The following RMND5A variants were observed in gnomAD, a reference collection of about 807,000 sequenced individuals.
RMND5A encodes the protein required for meiotic nuclear division 5 homolog A, also known as E3 ubiquitin-protein transferase RMND5A.
A neutral mutation model predicts 49.7 loss-of-function variants in RMND5A; 17 were observed. The ratio of observed to expected loss-of-function variants is 0.34; its 90% CI spans 0.23 to 0.51. The LOEUF (loss-of-function observed/expected upper bound fraction) is 0.51. Among genes scored for constraint, RMND5A ranks in the 20% least tolerant of loss-of-function variants. The pLI, the probability that RMND5A is intolerant of heterozygous loss-of-function variation, is 0.96. For missense variants in RMND5A, 255 were observed against 471.3 expected, an observed-to-expected ratio of 0.54 and a Z score of 4.25; for synonymous variants, 156 against 167.7, an observed-to-expected ratio of 0.93 and a Z score of 0.54.
chr2:86,750,464 ATC>A (rs1206111104), intron 2 of RMND5A, among the ~76,000 whole-genome samples: 1 of 151,722 alleles, frequency 6.6e-6, no homozygotes, highest in Non-Finnish European at 1.5e-5. Flanking sequence ...CTGTTGAGAA[ATC>A]TGTAGTCATT....
At position 86,720,938 on chromosome 2, in the gene RMND5A, G is replaced by T. The variant is rs1033284967; in HGVS notation, c.142+129G>T. 6.8e-4 allele frequency: 541 copies of T among 800,028 alleles called. 2 individuals are homozygous for T. Among genetic ancestry groups the T allele is most frequent in the Middle Eastern group, 1.2e-3 (3 of 2,584 alleles). The allele number at this position is 800,028 out of a possible 1,614,324, so 49.6% of individuals were successfully genotyped here. Reference sequence around the variant, plus strand: ...CCCTTGCCTCCCCTGAGGCGCGGAGGCCCCCAGACCCCTGAGACTTTTTCC... The same window carrying T: ...CCCTTGCCTCCCCTGAGGCGCGGAGTCCCCCAGACCCCTGAGACTTTTTCC... On this transcript the variant is annotated intron_variant, in intron 1 of 8. Transcript: ENST00000283632.
chr2:86,756,707 T>C (rs1351381818), intron 4 of RMND5A, among the ~76,000 whole-genome samples: 1 of 152,178 alleles, frequency 6.6e-6, no homozygotes, highest in Non-Finnish European at 1.5e-5. Context: ...GGACTCCAAT[T>C]TGGGGAATTC....
chr2:86,756,229 A>C (rs1385377810), intron 4 of RMND5A, among the ~76,000 whole-genome samples: 1 of 151,832 alleles, frequency 6.6e-6, no homozygotes, highest in African/African-American at 2.4e-5. Context: ...CTATCTCTAC[A>C]AAAAAATAGA....
At chr2:86,764,584 C>T (rs564797362) in intron 4 of RMND5A, among the ~76,000 whole-genome samples, 1 of 152,222 alleles carries the variant, frequency 6.6e-6, no homozygotes, top group Non-Finnish European at 1.5e-5. Flanking sequence ...TGTTTTTAAT[C>T]ACAAAGTGAA....
chr2:86,752,256 C>T (rs1017816117), intron 3 of RMND5A, among the ~76,000 whole-genome samples: 2 of 151,996 alleles, frequency 1.3e-5, no homozygotes, highest in African/African-American at 4.8e-5. Flanking sequence ...TTTTCTTGTT[C>T]CTGTCCCAGA....
At chr2:86,762,700 C>G (rs1345969771) in intron 4 of RMND5A, among the ~76,000 whole-genome samples, 2 of 5,498 alleles carry the variant, frequency 3.6e-4, no homozygotes, top group African/African-American at 1.2e-3. Context: ...TCATATATAT[C>G]ATATATATCA....
Position 86,765,893 on chromosome 2 carries a change from G to C in RMND5A, c.723G>C (p.Leu241=), listed in dbSNP as rs747004941. 4 of 1,613,936 alleles carry C rather than the reference G, an allele frequency of 2.5e-6. No homozygotes were observed. The highest frequency in any genetic ancestry group is 3.4e-6 in the Non-Finnish European group (4 of 1,179,986). The change falls in exon 6 of 9, where the codon CTG becomes CTC. Residue 241 remains leucine (L), a synonymous_variant. Coordinates refer to ENST00000283632, the MANE Select transcript of RMND5A (RefSeq NM_022780.4). The part of the protein sequence containing the change: ...IQVLMGSLVY[L]RQGIENSPYV... ...TTTTGATGGGAAGCCTTGTGTACCT[G>C]AGACAAGGGATTGAGAACTCACCAT... is the stretch of plus-strand genomic sequence containing the variant.
At chr2:86,764,736 G>T (rs763472102) in intron 4 of RMND5A, among the ~76,000 whole-genome samples, 12 of 152,166 alleles carry the variant, frequency 7.9e-5, no homozygotes, top group Non-Finnish European at 8.8e-5. Flanking sequence ...GGCTGACACC[G>T]CTTCAAAGTG....
Position 86,775,300 on chromosome 2 carries a change from A to C in RMND5A, c.*1889A>C. On this transcript the variant is annotated 3_prime_UTR_variant, in exon 9 of 9. Coordinates refer to ENST00000283632, the MANE Select transcript of RMND5A (RefSeq NM_022780.4). ...ATATATATTTTTCCTTTGAATTAAA[A>C]CCTAGAGTGTTGTATTTTTCTTTCT... The C allele has an allele frequency of 6.8e-6, 1 of 147,636 alleles. No homozygotes were observed. Among genetic ancestry groups the C allele is most frequent in the Non-Finnish European group, 1.5e-5 (1 of 66,622 alleles). The allele number at this position is 147,636 out of a possible 1,614,324, so 9.1% of individuals were successfully genotyped here.
intron 4 of RMND5A, among the ~76,000 whole-genome samples, chr2:86,757,333 G>C (rs777957484): frequency 4.2e-4 from 64 of 152,196 alleles, no homozygotes; most frequent in Middle Eastern, 3.4e-3. Flanking sequence ...CCGTGCCCTT[G>C]TACCTCTGAG....
intron 2 of RMND5A, among the ~76,000 whole-genome samples, chr2:86,751,046 G>C (rs1573436713): frequency 3.3e-5 from 5 of 152,180 alleles, no homozygotes; most frequent in South Asian, 4.1e-4. Flanking sequence ...TGTGAGTTGA[G>C]ATTTTCTTGG....
At position 86,773,625 on chromosome 2, in the gene RMND5A, C is replaced by G. The variant is rs1276900696; in HGVS notation, c.*214C>G. ...TTTATTATATTCTTGGTCTTCATTTCTGATCAAGTAAATACACCAGCAGTT... is the reference window on the plus strand; with the variant it reads ...TTTATTATATTCTTGGTCTTCATTTGTGATCAAGTAAATACACCAGCAGTT... On this transcript the variant is annotated 3_prime_UTR_variant, in exon 9 of 9. Coordinates refer to ENST00000283632, the MANE Select transcript of RMND5A (RefSeq NM_022780.4). 3 of 377,970 alleles carry G rather than the reference C, an allele frequency of 7.9e-6. No individual in the cohort carries two copies. Among genetic ancestry groups the G allele is most frequent in the Non-Finnish European group, 9.5e-6 (2 of 210,202 alleles). The allele number at this position is 377,970 out of a possible 1,614,324, so 23.4% of individuals were successfully genotyped here. A position where few individuals can be genotyped will look rare whatever the true frequency, so the allele number is the denominator to read the frequency against.
chr2:86,772,677 C>T (rs577455706), intron 8 of RMND5A, among the ~76,000 whole-genome samples: 6 of 151,944 alleles, frequency 3.9e-5, no homozygotes, highest in African/African-American at 1.4e-4. Flanking sequence ...TCACTGCAAC[C>T]TCTGCCTCCT....
At chr2:86,759,992 C>G (rs1471630746) in intron 4 of RMND5A, among the ~76,000 whole-genome samples, 1 of 152,066 alleles carries the variant, frequency 6.6e-6, no homozygotes, top group Non-Finnish European at 1.5e-5. Context: ...ACTTCTTTGT[C>G]TTTATAAAGT....
intron 1 of RMND5A, among the ~76,000 whole-genome samples, chr2:86,734,499 G>A (rs1319353641): frequency 1.4e-5 from 2 of 139,800 alleles, no homozygotes. Flanking sequence ...CTGTCACCGA[G>A]GCTGCAGTGC....
chr2:86,747,970 T>G, intron 2 of RMND5A, among the ~76,000 whole-genome samples: 1 of 152,208 alleles, frequency 6.6e-6, no homozygotes, highest in African/African-American at 2.4e-5. Flanking sequence ...GCTTTTTTGC[T>G]TTTGGTTCTT....
At chr2:86,729,587 T>C (rs1415389385) in intron 1 of RMND5A, among the ~76,000 whole-genome samples, 3 of 111,582 alleles carry the variant, frequency 2.7e-5, no homozygotes, top group Non-Finnish European at 6.0e-5. Context: ...CAAAAAGGGG[T>C]GGGATTTGAG....
chr2:86,769,713 A>AT (rs138290484), intron 6 of RMND5A, among the ~76,000 whole-genome samples: 25 of 151,790 alleles, frequency 1.6e-4, no homozygotes, highest in African/African-American at 5.6e-4. Flanking sequence ...CTTTAACTGC[A>AT]TTTACCCCCA....
Position 86,765,937 on chromosome 2 carries a change from C to G in RMND5A, c.767C>G (p.Ala256Gly). 1 of 1,614,090 alleles carries G rather than the reference C, an allele frequency of 6.2e-7. No homozygotes were observed. The highest frequency in any genetic ancestry group is 8.5e-7 in the Non-Finnish European group (1 of 1,179,980). ...TCACCATATGTTCACCTACTTGATGCAAACCAGTGGGCTGATATCTGTGAC... is the reference window on the plus strand; with the variant it reads ...TCACCATATGTTCACCTACTTGATGGAAACCAGTGGGCTGATATCTGTGAC... ...ENSPYVHLLD[A>G]NQWADICDIF... Residue 256 changes from alanine to glycine, a missense_variant, in exon 6 of 9, where the codon GCA (alanine) becomes GGA (glycine). By Grantham distance (60) the Ala-to-Gly change is moderately conservative. Coordinates refer to ENST00000283632, the MANE Select transcript of RMND5A (RefSeq NM_022780.4).
Sources: allele counts gnomAD v4.1 joint callset (sites outside exome capture counted in the v4.1 genomes callset), GRCh38; gene constraint gnomAD v4.1.1; transcripts MANE v1.5; gene names NCBI Gene and HGNC (gene_info 2026-07-23, HGNC 2026-07-21).